Variants in LRRC7 observed in about 807,000 individuals in gnomAD.
The protein encoded by LRRC7 is leucine rich repeat containing 7, also known as leucine-rich repeat-containing protein 7.
A neutral mutation model predicts 175.7 loss-of-function variants in LRRC7; 23 were observed. The observed-to-expected ratio is 0.13, with a 90% CI of 0.09 to 0.19. The LOEUF is 0.19. Among genes scored for constraint, LRRC7 ranks in the 10% least tolerant of loss-of-function variants. The probability of loss-of-function intolerance (pLI) is 1.00; values close to 1 mark genes in which losing one functional copy is unlikely to be tolerated. For missense variants in LRRC7, 1,354 were observed against 1,904.7 expected (o/e 0.71, Z 5.38); for synonymous variants, 685 against 680.9 (o/e 1.01, Z -0.09).
intron 7 of LRRC7, among the ~76,000 whole-genome samples, chr1:69,844,969 A>G (rs1570286973): frequency 6.6e-6 from 1 of 152,158 alleles, no homozygotes; most frequent in Admixed American, 6.6e-5. Flanking sequence ...CTTCCATACT[A>G]AAATGCTAAG....
At chr1:69,817,329 G>C (rs1051516311) in intron 4 of LRRC7, among the ~76,000 whole-genome samples, 1 of 151,784 alleles carries the variant, frequency 6.6e-6, no homozygotes, top group African/African-American at 2.4e-5. Flanking sequence ...CTAAGATAAG[G>C]GTCCAATTTC....
chr1:69,651,984 TCTC>T (rs142041666), intron 1 of LRRC7, among the ~76,000 whole-genome samples: 107 of 152,050 alleles, frequency 7.0e-4, no homozygotes, highest in African/African-American at 2.4e-3. Flanking sequence ...ACTTGAAGCT[TCTC>T]CTTCAGGAGG....
At position 69,825,629 on chromosome 1, in the gene LRRC7, A is replaced by T. The variant is rs541033758; in HGVS notation, c.422-119A>T. 1.0e-4 allele frequency: 48 copies of T among 475,670 alleles called. No homozygotes were observed. The South Asian group carries it at 2.5e-3, about 25-fold the overall frequency. The allele number at this position is 475,670 out of a possible 1,614,324, so 29.5% of individuals were successfully genotyped here. ...TTATTTCTACTTAAATGCTTATCCT[A>T]AATGGTGTTTACATCATGTACTGAC... On this transcript the variant is annotated intron_variant, in intron 4 of 26. Transcript: ENST00000651989.
intron 7 of LRRC7, among the ~76,000 whole-genome samples, chr1:69,890,298 A>G (rs12037173): frequency 0.049 from 7,393 of 152,328 alleles, 225 homozygotes; most frequent in East Asian, 0.15. Flanking sequence ...CATAAAAACA[A>G]CACTAATCTT....
chr1:70,044,634 T>G (rs1029036987), intron 22 of LRRC7, among the ~76,000 whole-genome samples: 29 of 152,122 alleles, frequency 1.9e-4, no homozygotes, highest in African/African-American at 7.0e-4. Flanking sequence ...AGAAACAAGT[T>G]TGTGGCTTAG....
In LRRC7 at chr1:70,043,939, A is replaced by G. The variant is rs1660126897; in HGVS notation, c.3970-15A>G. The G allele has an allele frequency of 6.3e-7, 1 of 1,591,954 alleles. No homozygotes were observed. Among genetic ancestry groups the G allele is most frequent in the Admixed American group, 1.7e-5 (1 of 59,592 alleles). On this transcript the variant is annotated splice_polypyrimidine_tract_variant and intron_variant, in intron 21 of 26. Transcript: ENST00000651989. ...TGTGTTCACACCCTGTCACATGATT[A>G]TTTCCTCTACTCAGAATGCTGCTTA... is the stretch of plus-strand genomic sequence containing the variant.
At chr1:69,927,496 T>C (rs2101758007) in intron 7 of LRRC7, among the ~76,000 whole-genome samples, 1 of 152,332 alleles carries the variant, frequency 6.6e-6, no homozygotes, top group East Asian at 1.9e-4. Flanking sequence ...TCTTGGAGGC[T>C]TTGTTCATTT....
At chr1:69,899,499 A>T (rs535730411) in intron 7 of LRRC7, among the ~76,000 whole-genome samples, 2 of 152,364 alleles carry the variant, frequency 1.3e-5, no homozygotes, top group African/African-American at 4.8e-5. Context: ...GTAACTCAGG[A>T]TTCAGCAAAT....
intron 2 of LRRC7, among the ~76,000 whole-genome samples, chr1:69,694,800 C>G (rs374219035): frequency 5.9e-5 from 9 of 151,680 alleles, no homozygotes; most frequent in African/African-American, 2.2e-4. Context: ...CCTTTGACTT[C>G]CACCATGATC....
At chr1:69,812,942 A>G (rs1178277106) in intron 4 of LRRC7, among the ~76,000 whole-genome samples, 3 of 152,140 alleles carry the variant, frequency 2.0e-5, no homozygotes, top group Admixed American at 6.6e-5. Flanking sequence ...TTAACAAGCA[A>G]TGGCTGAGTT....
chr1:69,910,717 C>G (rs764323985), intron 7 of LRRC7, among the ~76,000 whole-genome samples: 170 of 152,356 alleles, frequency 1.1e-3, no homozygotes, highest in Non-Finnish European at 2.0e-3. Flanking sequence ...AACCACTACT[C>G]TCTTCAAAGC....
At chr1:69,979,639 A>G (rs551698997) in intron 8 of LRRC7, among the ~76,000 whole-genome samples, 3 of 152,264 alleles carry the variant, frequency 2.0e-5, no homozygotes, top group South Asian at 2.1e-4. Context: ...GCATGTACAT[A>G]CAAGGCATGT....
At chr1:69,916,214 T>TCA (rs1227541723) in intron 7 of LRRC7, among the ~76,000 whole-genome samples, 1 of 13,146 alleles carries the variant, frequency 7.6e-5, no homozygotes, top group African/African-American at 1.7e-4. Context: ...AAATAAAATT[T>TCA]TATTATGTAT....
At chr1:70,031,831 G>A (rs932843800) in intron 18 of LRRC7, among the ~76,000 whole-genome samples, 13 of 146,830 alleles carry the variant, frequency 8.9e-5, no homozygotes, top group African/African-American at 1.8e-4. Flanking sequence ...ACGGAGTCTC[G>A]CTCTGTTGCC....
At chr1:69,774,207 C>G (rs557256175) in intron 3 of LRRC7, among the ~76,000 whole-genome samples, 50 of 152,168 alleles carry the variant, frequency 3.3e-4, no homozygotes, top group Non-Finnish European at 6.3e-4. Flanking sequence ...GAGCAATCTT[C>G]CCATGCTGCA....
chr1:69,860,901 C>G (rs1394552564), intron 7 of LRRC7, among the ~76,000 whole-genome samples: 1 of 151,936 alleles, frequency 6.6e-6, no homozygotes, highest in Non-Finnish European at 1.5e-5. Flanking sequence ...ATTTGTCTAA[C>G]CAACTTTCCT....
chr1:69,694,926 T>C (rs1662378310), intron 2 of LRRC7, among the ~76,000 whole-genome samples: 1 of 152,142 alleles, frequency 6.6e-6, no homozygotes, highest in Admixed American at 6.5e-5. Context: ...CAGCCTCGGG[T>C]ATTCCTTTAT....
At position 70,131,127 on chromosome 1, in the gene LRRC7, A is replaced by C. The variant is rs893105779; in HGVS notation, c.*9240A>C. On this transcript the variant is annotated 3_prime_UTR_variant, in exon 27 of 27. Coordinates refer to ENST00000651989, the MANE Select transcript of LRRC7 (RefSeq NM_001370785.2). Reference sequence around the variant, plus strand: ...TTAGATAGAGCACAGAAAAAAAATCAGGGTTACCTTGACAAAACCATGTTA... The same window carrying C: ...TTAGATAGAGCACAGAAAAAAAATCCGGGTTACCTTGACAAAACCATGTTA... Among the ~76,000 whole-genome samples, 3 of 152,228 alleles carry C rather than the reference A, an allele frequency of 2.0e-5. No homozygotes were observed. Among genetic ancestry groups the C allele is most frequent in the Non-Finnish European group, 4.4e-5 (3 of 68,040 alleles).
At chr1:69,935,654 C>G (rs898060586) in intron 8 of LRRC7, among the ~76,000 whole-genome samples, 1 of 152,044 alleles carries the variant, frequency 6.6e-6, no homozygotes, top group Non-Finnish European at 1.5e-5. Context: ...TATTTTTGCT[C>G]ATTTTTCTAT....
Sources: gnomAD v4.1 joint callset for allele counts (sites outside exome capture counted in the v4.1 genomes callset) on GRCh38, gnomAD v4.1.1 for gene constraint, MANE v1.5 for transcripts, NCBI Gene and HGNC (gene_info 2026-07-23, HGNC 2026-07-21) for gene names.